ST8SIA4: variants seen among roughly 807,000 people sequenced by gnomAD.
ST8SIA4 encodes ST8 alpha-N-acetyl-neuraminide alpha-2,8-sialyltransferase 4, also known as CMP-N-acetylneuraminate-poly-alpha-2,8-sialyltransferase.
ST8SIA4 carries 15 observed loss-of-function variants against 33.9 expected under a neutral mutation model. That is an observed-to-expected ratio of 0.44 (90% CI 0.30 to 0.68). ST8SIA4 has a LOEUF of 0.68. Among genes scored for constraint, ST8SIA4 ranks in the 30% least tolerant of loss-of-function variants. The probability of loss-of-function intolerance (pLI) is 0.10; values close to 1 mark genes in which losing one functional copy is unlikely to be tolerated. For synonymous variants in ST8SIA4, 171 were observed against 151.2 expected (o/e 1.13, Z -0.96); for missense variants, 321 against 428.0 (o/e 0.75, Z 2.21).
intron 2 of ST8SIA4, among the ~76,000 whole-genome samples, chr5:100,893,526 G>A (rs1752717118): frequency 6.6e-6 from 1 of 152,056 alleles, no homozygotes. Flanking sequence ...ATACATGAAT[G>A]TAATGCTCAT....
At chr5:100,851,012 T>A (rs1751686078) in intron 4 of ST8SIA4, among the ~76,000 whole-genome samples, 1 of 138,738 alleles carries the variant, frequency 7.2e-6, no homozygotes, top group Non-Finnish European at 1.5e-5. Flanking sequence ...CAGGGTGGAG[T>A]GCAGTGGCAT....
At chr5:100,874,270 C>T (rs1752258579) in intron 3 of ST8SIA4, among the ~76,000 whole-genome samples, 1 of 152,086 alleles carries the variant, frequency 6.6e-6, no homozygotes, top group African/African-American at 2.4e-5. Context: ...TTTGTAGGAG[C>T]AATTCTATCA....
chr5:100,840,219 A>G (rs1751445044), intron 4 of ST8SIA4, among the ~76,000 whole-genome samples: 1 of 151,836 alleles, frequency 6.6e-6, no homozygotes, highest in Non-Finnish European at 1.5e-5. Flanking sequence ...TTAACATTTT[A>G]GAGTATTTTC....
intron 3 of ST8SIA4, among the ~76,000 whole-genome samples, chr5:100,863,692 G>A (rs995168170): frequency 6.6e-6 from 1 of 151,866 alleles, no homozygotes; most frequent in Non-Finnish European, 1.5e-5. Context: ...AATAATAAGA[G>A]GATACTGAAA....
chr5:100,888,650 G>A (rs1024126526), intron 2 of ST8SIA4, among the ~76,000 whole-genome samples: 7 of 151,846 alleles, frequency 4.6e-5, no homozygotes, highest in East Asian at 3.9e-4. Flanking sequence ...ATTAGTGAGA[G>A]CAGAATATAA....
intron 4 of ST8SIA4, among the ~76,000 whole-genome samples, chr5:100,843,376 C>G (rs1384168723): frequency 6.6e-6 from 1 of 151,790 alleles, no homozygotes; most frequent in Non-Finnish European, 1.5e-5. Context: ...AAGGTAGCAA[C>G]TGCCAGCACA....
rs1401709675 is a variant in ST8SIA4, at chr5:100,895,781, C to T, written c.118G>A (p.Gly40Ser). Residue 40 changes from glycine (G) to serine (S), a missense_variant, in exon 2 of 5, where the codon GGT becomes AGT. By Grantham distance (56) the Gly-to-Ser change is moderately conservative (BLOSUM62 0). Transcript: ENST00000231461. ...AGTGACCGACTCAAAGACAATTCACCATCTCTGAAACAAAACAAAATTGCC... is the reference window on the plus strand; with the variant it reads ...AGTGACCGACTCAAAGACAATTCACTATCTCTGAAACAAAACAAAATTGCC... ...EHQETQLIGDGELSLSRSLVN... is the reference protein window; with the variant it reads ...EHQETQLIGDSELSLSRSLVN... The T allele has an allele frequency of 6.2e-7, 1 of 1,612,026 alleles. No homozygotes were observed. The highest frequency in any genetic ancestry group is 1.7e-5 in the Admixed American group (1 of 59,916).
intron 4 of ST8SIA4, among the ~76,000 whole-genome samples, chr5:100,848,119 A>G (rs1336133011): frequency 6.6e-6 from 1 of 151,982 alleles, no homozygotes; most frequent in Non-Finnish European, 1.5e-5. Context: ...CTACAAATAA[A>G]TTCAAGATGG....
intron 4 of ST8SIA4, among the ~76,000 whole-genome samples, chr5:100,820,901 A>T (rs1054655132): frequency 1.3e-5 from 2 of 152,140 alleles, no homozygotes; most frequent in Non-Finnish European, 2.9e-5. Flanking sequence ...AGAGTAAAAT[A>T]TGAAACAGAT....
At chr5:100,825,126 A>C (rs1294980563) in intron 4 of ST8SIA4, among the ~76,000 whole-genome samples, 2 of 152,152 alleles carry the variant, frequency 1.3e-5, no homozygotes, top group Non-Finnish European at 2.9e-5. Flanking sequence ...CTGTCAGAGA[A>C]ACATACAGAT....
At chr5:100,857,701 G>C (rs1229452962) in intron 3 of ST8SIA4, among the ~76,000 whole-genome samples, 4 of 151,826 alleles carry the variant, frequency 2.6e-5, no homozygotes, top group Non-Finnish European at 5.9e-5. Context: ...TATGTGTTCT[G>C]ATACTAAAAA....
intron 1 of ST8SIA4, 112 bp downstream of exon 1, chr5:100,902,731 G>T (rs537994229): frequency 4.3e-6 from 4 of 921,180 alleles, no homozygotes; most frequent in South Asian, 1.4e-5. Context: ...CTAACCACGC[G>T]CAAGCTCAAA....
At chr5:100,899,724 A>C (rs1272039732) in intron 1 of ST8SIA4, among the ~76,000 whole-genome samples, 1 of 152,214 alleles carries the variant, frequency 6.6e-6, no homozygotes, top group African/African-American at 2.4e-5. Context: ...GGATGCTTAC[A>C]TATTTTACTT....
intron 3 of ST8SIA4, among the ~76,000 whole-genome samples, chr5:100,868,412 A>C (rs1244888244): frequency 6.6e-6 from 1 of 152,072 alleles, no homozygotes; most frequent in African/African-American, 2.4e-5. Flanking sequence ...TTCTATTACT[A>C]ATCATCTTTG....
chr5:100,832,221 T>A (rs1751278581), intron 4 of ST8SIA4, among the ~76,000 whole-genome samples: 1 of 152,108 alleles, frequency 6.6e-6, no homozygotes, highest in South Asian at 2.1e-4. Flanking sequence ...TTTATTTTAG[T>A]TAAATCCATA....
chr5:100,817,341 C>T (rs1344897303), intron 4 of ST8SIA4, among the ~76,000 whole-genome samples: 3 of 151,878 alleles, frequency 2.0e-5, no homozygotes, highest in Non-Finnish European at 2.9e-5. Context: ...ACCCCAGAAA[C>T]CTAATAGAGA....
At chr5:100,840,695 T>C (rs1050135167) in intron 4 of ST8SIA4, among the ~76,000 whole-genome samples, 4 of 151,796 alleles carry the variant, frequency 2.6e-5, no homozygotes, top group Non-Finnish European at 5.9e-5. Flanking sequence ...CATAACATTT[T>C]TGGAGCTTTC....
chr5:100,850,193 G>A (rs578012004), intron 4 of ST8SIA4, among the ~76,000 whole-genome samples: 1 of 152,180 alleles, frequency 6.6e-6, no homozygotes, highest in African/African-American at 2.4e-5. Context: ...TGAGAAAGAT[G>A]TAAGTTTAAA....
At chr5:100,850,011 A>G (rs189779122) in intron 4 of ST8SIA4, among the ~76,000 whole-genome samples, 1 of 152,300 alleles carries the variant, frequency 6.6e-6, no homozygotes, top group African/African-American at 2.4e-5. Flanking sequence ...TATCTTATGT[A>G]TTCTCCACTG....
Sources: allele counts gnomAD v4.1 joint callset (sites outside exome capture counted in the v4.1 genomes callset), GRCh38; gene constraint gnomAD v4.1.1; transcripts MANE v1.5; gene names NCBI Gene and HGNC (gene_info 2026-07-23, HGNC 2026-07-21).